EEPD1: variants seen among roughly 807,000 people sequenced by gnomAD.
EEPD1 encodes the protein endonuclease/exonuclease/phosphatase family domain containing 1.
Under a neutral mutation model 46.3 loss-of-function variants are expected in EEPD1, and 17 were observed. That is an observed-to-expected ratio of 0.37 (90% CI 0.25 to 0.55). EEPD1 has a LOEUF of 0.55. Ranked by LOEUF, EEPD1 falls within the 20% of genes least tolerant of loss-of-function variation. EEPD1 has a pLI of 0.83. For synonymous variants in EEPD1, 313 were observed against 315.6 expected, an observed-to-expected ratio of 0.99 and a Z score of 0.09; for missense variants, 673 against 745.6, an observed-to-expected ratio of 0.90 and a Z score of 1.13.
chr7:36,197,661 A>C (rs1054455935), intron 2 of EEPD1, among the ~76,000 whole-genome samples: 1 of 152,182 alleles, frequency 6.6e-6, no homozygotes, highest in Non-Finnish European at 1.5e-5. Flanking sequence ...ACTCAGGGTT[A>C]AATGGATTAA....
chr7:36,225,261 C>T lies in EEPD1; in HGVS notation c.879-13724C>T, dbSNP rs1371952506. On this transcript the variant is annotated intron_variant, in intron 2 of 7. Transcript: ENST00000242108. This position sits in a 1 kb window ranked among gnomAD's most constrained non-coding sequence, Gnocchi z 4.2. ...GGAAAATCAAATCAGTGATATGAGT[C>T]AGGGTGAAACAAGTCGAGAAAGATT... Among the ~76,000 whole-genome samples, 2 of 152,090 alleles carry T rather than the reference C, an allele frequency of 1.3e-5. No homozygotes were observed. The highest frequency in any genetic ancestry group is 1.3e-4 in the Admixed American group (2 of 15,276).
intron 6 of EEPD1, among the ~76,000 whole-genome samples, chr7:36,291,337 C>T (rs974180835): frequency 2.0e-5 from 3 of 152,198 alleles, no homozygotes; most frequent in South Asian, 2.1e-4. Context: ...CAGCCACTTC[C>T]GTGTGGTCTT....
At chr7:36,181,702 G>A (rs1307967391) in intron 2 of EEPD1, among the ~76,000 whole-genome samples, 1 of 152,188 alleles carries the variant, frequency 6.6e-6, no homozygotes, top group African/African-American at 2.4e-5. Context: ...TCTGGATTTT[G>A]TCTTGGTGCT....
chr7:36,190,610 C>T (rs528036435), intron 2 of EEPD1, among the ~76,000 whole-genome samples: 31 of 152,248 alleles, frequency 2.0e-4, no homozygotes, highest in Middle Eastern at 3.2e-3. Context: ...CACTTGGGGC[C>T]ACCTTGGCAG....
chr7:36,184,559 T>A (rs1785329761), intron 2 of EEPD1, among the ~76,000 whole-genome samples: 1 of 152,198 alleles, frequency 6.6e-6, no homozygotes, highest in African/African-American at 2.4e-5. Flanking sequence ...TCTCCATTTC[T>A]TGCCTCTCCT....
At chr7:36,285,694 C>T (rs1228188582) in intron 5 of EEPD1, among the ~76,000 whole-genome samples, 1 of 152,206 alleles carries the variant, frequency 6.6e-6, no homozygotes, top group East Asian at 1.9e-4. Flanking sequence ...GTATCCCCTC[C>T]TGGGCATGGA....
intron 2 of EEPD1, among the ~76,000 whole-genome samples, chr7:36,227,261 GA>G (rs1489638664): frequency 6.6e-6 from 1 of 152,200 alleles, no homozygotes; most frequent in African/African-American, 2.4e-5. Flanking sequence ...TGTCATCAAA[GA>G]AGTTTCCTGC....
intron 6 of EEPD1, among the ~76,000 whole-genome samples, chr7:36,294,864 A>C (rs1428013115): frequency 1.3e-5 from 2 of 152,194 alleles, no homozygotes; most frequent in African/African-American, 4.8e-5. Flanking sequence ...GAAATGGCTG[A>C]TGCGAGGACT....
At position 36,297,131 on chromosome 7, in the gene EEPD1, G is replaced by A. The variant is rs1451310283; in HGVS notation, c.1454G>A (p.Gly485Asp). ...FTNISTKNPQGSKSLDNIWIS... is the reference protein window; with the variant it reads ...FTNISTKNPQDSKSLDNIWIS... The stretch of plus-strand genomic sequence containing the variant: ...AACATCAGCACCAAGAACCCTCAAG[G>A]CTCGAAGTCTCTGGACAACATCTGG... Residue 485 changes from glycine to aspartate, a missense_variant, in exon 7 of 8, where the codon GGC becomes GAC. Physicochemically the swap from Gly to Asp is moderately conservative, Grantham distance 94. Transcript: ENST00000242108. 1 of 1,614,028 alleles carries A rather than the reference G, an allele frequency of 6.2e-7. No homozygotes were observed. The highest frequency in any genetic ancestry group is 1.3e-5 in the African/African-American group (1 of 74,916).
At chr7:36,279,566 G>A (rs1473914881) in intron 3 of EEPD1, among the ~76,000 whole-genome samples, 1 of 152,228 alleles carries the variant, frequency 6.6e-6, no homozygotes. Context: ...TGCCCAGGGG[G>A]CATGAGAGTG....
chr7:36,297,069 A>G lies in EEPD1; in HGVS notation c.1392A>G (p.Glu464=). Residue 464 remains glutamate (E), a synonymous_variant, in exon 7 of 8, where the codon GAA becomes GAG. Transcript: ENST00000242108. ...DSNDYDILRK[E]KFHHLIPAHT... ...ATGACTATGATATCCTGAGGAAAGAAAAGTTCCACCACCTGATCCCCGCGC... is the reference window on the plus strand; with the variant it reads ...ATGACTATGATATCCTGAGGAAAGAGAAGTTCCACCACCTGATCCCCGCGC... The G allele has an allele frequency of 6.2e-7, 1 of 1,614,244 alleles. No individual in the cohort carries two copies. The highest frequency in any genetic ancestry group is 8.5e-7 in the Non-Finnish European group (1 of 1,180,058).
intron 3 of EEPD1, among the ~76,000 whole-genome samples, chr7:36,269,910 G>C (rs553857693): frequency 1.3e-5 from 2 of 152,304 alleles, no homozygotes; most frequent in East Asian, 1.9e-4. Context: ...ACCTTGCTAG[G>C]TGATTTTAGG....
chr7:36,281,238 G>T lies in EEPD1; in HGVS notation c.1041+13G>T, dbSNP rs750540337. ...TCAGCTCCAGAAGGTACCCTCGTCT[G>T]CAAAGCCTGGCCTTTCCCTTCATTT... On this transcript the variant is annotated intron_variant, in intron 4 of 7. Transcript: ENST00000242108. The T allele has an allele frequency of 1.1e-5, 18 of 1,606,496 alleles. 1 individual carries two copies. In the Admixed American group the frequency reaches 3.0e-4, roughly 27 times the overall value.
chr7:36,244,631 C>T (rs932726927), intron 3 of EEPD1, among the ~76,000 whole-genome samples: 16 of 152,260 alleles, frequency 1.1e-4, no homozygotes, highest in African/African-American at 2.4e-4. Context: ...GTTCTCCTCC[C>T]GGTGTGGCCT....
At chr7:36,230,091 A>C (rs1336479552) in intron 2 of EEPD1, among the ~76,000 whole-genome samples, 1 of 151,990 alleles carries the variant, frequency 6.6e-6, no homozygotes, top group Non-Finnish European at 1.5e-5. Flanking sequence ...CCAGTTTCAC[A>C]AGGTGGAAAC....
chr7:36,203,993 C>T, intron 2 of EEPD1, among the ~76,000 whole-genome samples: 1 of 149,148 alleles, frequency 6.7e-6, no homozygotes, highest in Admixed American at 6.7e-5. Flanking sequence ...ACATTTCAGT[C>T]TTTTCCTATG....
intron 2 of EEPD1, among the ~76,000 whole-genome samples, chr7:36,170,741 G>A (rs1414774843): frequency 6.6e-6 from 1 of 151,752 alleles, no homozygotes; most frequent in Admixed American, 6.6e-5. Context: ...AGCTAGTTTT[G>A]GCTTCTGAAT....
At chr7:36,252,040 C>T (rs1398089987) in intron 3 of EEPD1, among the ~76,000 whole-genome samples, 2 of 152,194 alleles carry the variant, frequency 1.3e-5, no homozygotes, top group African/African-American at 4.8e-5. Context: ...GGGGAACCTG[C>T]ATCCACTGCC....
intron 2 of EEPD1, among the ~76,000 whole-genome samples, chr7:36,164,372 A>T (rs1381666108): frequency 6.6e-6 from 1 of 152,158 alleles, no homozygotes; most frequent in Non-Finnish European, 1.5e-5. Flanking sequence ...GGCACAGTTG[A>T]CTCTCTGGTA....
Sources: gnomAD v4.1 joint callset for allele counts (sites outside exome capture counted in the v4.1 genomes callset) on GRCh38, gnomAD v4.1.1 for gene constraint, Gnocchi (gnomAD v3.1) non-coding constraint, MANE v1.5 for transcripts, NCBI Gene and HGNC (gene_info 2026-07-23, HGNC 2026-07-21) for gene names.